Variants in TRIM66 observed in about 807,000 individuals in gnomAD.
TRIM66 encodes the protein tripartite motif-containing protein 66.
TRIM66 carries 99 observed loss-of-function variants against 148.2 expected under a neutral mutation model. That is an observed-to-expected ratio of 0.67 (90% CI 0.57 to 0.79). The LOEUF (loss-of-function observed/expected upper bound fraction) is 0.79, where lower values mean the gene tolerates loss of function less well. Ranked by LOEUF, TRIM66 falls within the 30% of genes least tolerant of loss-of-function variation. TRIM66 has a pLI of 0.00. For missense variants in TRIM66, 1,666 were observed against 1,697.9 expected (o/e 0.98, Z 0.33); for synonymous variants, 616 against 635.9 (o/e 0.97, Z 0.47).
rs1455909186 is a variant in TRIM66 at position 8,614,589 on chromosome 11, A to G, written c.*3355T>C. On this transcript the variant is annotated 3_prime_UTR_variant, in exon 25 of 25. Transcript: ENST00000646038. ...AGAAGCCCAGGAAGGGGTGATCCAG[A>G]AGGAGCAAAGGCTCAATTCTGGCGT... 1 of 152,752 alleles carries G rather than the reference A, an allele frequency of 6.5e-6. No homozygotes were observed. Among genetic ancestry groups the G allele is most frequent in the Non-Finnish European group, 1.5e-5 (1 of 68,456 alleles). The allele number at this position is 152,752 out of a possible 1,614,324, so 9.5% of individuals were successfully genotyped here.
chr11:8,654,485 G>A (rs1592151786), intron 6 of TRIM66: 1 of 152,230 alleles, frequency 6.6e-6, no homozygotes, highest in East Asian at 1.9e-4. Context: ...CCCGGGATGA[G>A]TTAATTAGTC....
intron 15 of TRIM66, among the ~76,000 whole-genome samples, chr11:8,626,675 T>C (rs894022185): frequency 1.3e-5 from 2 of 152,206 alleles, no homozygotes; most frequent in African/African-American, 4.8e-5. Flanking sequence ...TGGAGAAGTA[T>C]TTTCAAAACA....
intron 6 of TRIM66, among the ~76,000 whole-genome samples, chr11:8,659,594 G>A (rs1240243388): frequency 6.6e-6 from 1 of 152,120 alleles, no homozygotes; most frequent in Non-Finnish European, 1.5e-5. Context: ...GCCTCATTCT[G>A]CCTTGCCTGG....
intron 7 of TRIM66, among the ~76,000 whole-genome samples, chr11:8,651,301 A>C (rs1158047162): frequency 6.6e-6 from 1 of 152,206 alleles, no homozygotes; most frequent in African/African-American, 2.4e-5. Context: ...CCTAGTGGAA[A>C]GAGGAACAGA....
At chr11:8,661,213 C>T (rs898983356) in intron 6 of TRIM66, among the ~76,000 whole-genome samples, 13 of 152,198 alleles carry the variant, frequency 8.5e-5, no homozygotes, top group African/African-American at 2.7e-4. Flanking sequence ...GCCAGACAGC[C>T]GGCCTGAGCC....
At chr11:8,646,245 A>C (rs935217661) in intron 11 of TRIM66, among the ~76,000 whole-genome samples, 1 of 152,204 alleles carries the variant, frequency 6.6e-6, no homozygotes, top group African/African-American at 2.4e-5. Flanking sequence ...ACATAGCATC[A>C]AAAATCAGTT....
chr11:8,681,860 C>A (rs1353560513), intron 1 of TRIM66, among the ~76,000 whole-genome samples: 1 of 151,800 alleles, frequency 6.6e-6, no homozygotes, highest in East Asian at 1.9e-4. Flanking sequence ...GCATTGTGTC[C>A]AGGAAAGGGT....
upstream of TRIM66, chr11:8,683,070 G>A: frequency 9.9e-7 from 1 of 1,014,696 alleles, no homozygotes; most frequent in Non-Finnish European, 1.5e-6. Context: ...GAGCGGATCG[G>A]TACCCTCAGC....
chr11:8,647,594 A>G (rs2036979662), intron 10 of TRIM66, among the ~76,000 whole-genome samples: 2 of 152,226 alleles, frequency 1.3e-5, no homozygotes, highest in Non-Finnish European at 2.9e-5. Context: ...ACACACAGGG[A>G]AAGGGGTGAT....
At chr11:8,627,950 G>T (rs10769934) in intron 15 of TRIM66, among the ~76,000 whole-genome samples, 132,125 of 152,196 alleles carry the variant, frequency 0.87, 57,549 homozygotes, top group South Asian at 0.91. Context: ...CACCTCAGCC[G>T]CCAGAGTAGC....
At position 8,619,552 on chromosome 11, in the gene TRIM66, T is replaced by C. The variant is rs2033998097; in HGVS notation, c.3748-17A>G. ...ATGCCGGGCCTTGGGGGAGGAGACA[T>C]GAGGAGAAGGAGGCAAAGGGAGTGA... On this transcript the variant is annotated splice_polypyrimidine_tract_variant and intron_variant, in intron 22 of 24. Coordinates refer to ENST00000646038, the MANE Select transcript of TRIM66 (RefSeq NM_001388022.1). 5 of 1,517,870 alleles carry C rather than the reference T, an allele frequency of 3.3e-6. No individual in the cohort carries two copies. Among genetic ancestry groups the C allele is most frequent in the Non-Finnish European group, 4.4e-6 (5 of 1,131,940 alleles). The allele number at this position is 1,517,870 out of a possible 1,614,324, so 94.0% of individuals were successfully genotyped here.
intron 6 of TRIM66, chr11:8,663,237 G>A (rs1299666445): frequency 1.3e-5 from 2 of 152,190 alleles, no homozygotes; most frequent in African/African-American, 4.8e-5. Context: ...GAGAATCTCA[G>A]CTAGGCTGTG....
chr11:8,638,659 T>G lies in TRIM66; in HGVS notation c.2305A>C (p.Arg769=). The G allele has an allele frequency of 6.5e-7, 1 of 1,548,196 alleles. No homozygotes were observed. Among genetic ancestry groups the G allele is most frequent in the African/African-American group, 1.4e-5 (1 of 72,860 alleles). The change falls in exon 15 of 25, where the codon AGA becomes CGA. Residue 769 remains arginine, a synonymous_variant. Coordinates refer to ENST00000646038, the MANE Select transcript of TRIM66 (RefSeq NM_001388022.1). ...TIQHSSPNVV[R]KHSTSLSIMG... ...AAAACAGGCTCCTTCAGTACCTTTC[T>G]CACCACATTTGGAGAGGAGTGCTGG...
chr11:8,635,085 A>G (rs1412656110), intron 15 of TRIM66, among the ~76,000 whole-genome samples: 1 of 152,240 alleles, frequency 6.6e-6, no homozygotes, highest in Non-Finnish European at 1.5e-5. Flanking sequence ...TCCAGCAGGT[A>G]AGAGGCCAAA....
upstream of TRIM66, chr11:8,682,906 T>C (rs751506939): frequency 1.3e-5 from 19 of 1,471,074 alleles, no homozygotes; most frequent in Admixed American, 4.4e-5. Context: ...CTCCCTACCA[T>C]GGTCGGGGCT....
chr11:8,682,879 T>C, upstream of TRIM66: 1 of 1,554,852 alleles, frequency 6.4e-7, no homozygotes. Flanking sequence ...TGTATTCCCA[T>C]TGCCCCTAGT....
At chr11:8,656,677 G>A (rs1214668931) in intron 6 of TRIM66, among the ~76,000 whole-genome samples, 3 of 152,200 alleles carry the variant, frequency 2.0e-5, no homozygotes, top group Admixed American at 1.3e-4. Context: ...TTCCCCAGGC[G>A]AATACAATGT....
At chr11:8,682,837 C>T (rs143278201), upstream of TRIM66, 4,131 of 1,609,754 alleles carry the variant, frequency 2.6e-3, 13 homozygotes, top group Non-Finnish European at 3.0e-3. Context: ...CGTTTCTTGC[C>T]TCCTCTTCCT....
rs183849094 is a variant in TRIM66 at position 8,640,578 on chromosome 11, C to T, written c.1797G>A (p.Gln599=). Residue 599 remains glutamine, a synonymous_variant, in exon 14 of 25, where the codon CAG becomes CAA. Coordinates refer to ENST00000646038, the MANE Select transcript of TRIM66 (RefSeq NM_001388022.1). Reference sequence around the variant, plus strand: ...GTGGTGGTGGAGGTGGTAGCTGCTGCTGTGGCTGCTGCTGAAAGTGACTGA... The same window carrying T: ...GTGGTGGTGGAGGTGGTAGCTGCTGTTGTGGCTGCTGCTGAAAGTGACTGA... ...LKLSHFQQQP[Q]QQLPPPPPPL... 141 of 1,549,792 alleles carry T rather than the reference C, an allele frequency of 9.1e-5. 2 individuals carry two copies. In the South Asian group the frequency reaches 1.5e-3, roughly 17 times the overall value.
Sources: gnomAD v4.1 joint callset for allele counts (sites outside exome capture counted in the v4.1 genomes callset) on GRCh38, gnomAD v4.1.1 for gene constraint, MANE v1.5 for transcripts, NCBI Gene and HGNC (gene_info 2026-07-23, HGNC 2026-07-21) for gene names.